The following WWOX variants were observed in gnomAD, a reference collection of about 807,000 sequenced individuals.
The protein encoded by WWOX is WW domain containing oxidoreductase.
WWOX carries 69 observed loss-of-function variants against 46.2 expected under a neutral mutation model. That is an observed-to-expected ratio of 1.49 (90% CI 1.23 to 1.82). WWOX has a LOEUF of 1.82. WWOX is among the 40% of genes most tolerant of loss of function. The pLI is 0.00. For missense variants in WWOX, 919 were observed against 542.6 expected (o/e 1.69, Z -6.89); for synonymous variants, 359 against 202.6 (o/e 1.77, Z -6.56).
chr16:78,813,632 T>C (rs1362439950), intron 8 of WWOX, among the ~76,000 whole-genome samples: 1 of 152,130 alleles, frequency 6.6e-6, no homozygotes, highest in African/African-American at 2.4e-5. Flanking sequence ...GTATCCATTG[T>C]GTCTCCAAGG....
At chr16:78,919,253 C>A (rs1442578092) in intron 8 of WWOX, among the ~76,000 whole-genome samples, 1 of 151,974 alleles carries the variant, frequency 6.6e-6, no homozygotes, top group East Asian at 1.9e-4. Flanking sequence ...CAGAGACACC[C>A]CCCCACTCTT....
intron 8 of WWOX, among the ~76,000 whole-genome samples, chr16:78,697,654 C>G (rs968515795): frequency 6.6e-6 from 1 of 152,102 alleles, no homozygotes; most frequent in Non-Finnish European, 1.5e-5. Context: ...AAAAAATGCT[C>G]AACATCACTA....
Position 79,211,948 on chromosome 16 carries a change from G to A in WWOX, c.*152G>A, listed in dbSNP as rs1197484220. Reference sequence around the variant, plus strand: ...GTCACAACAGAGTGAAAAATCTTAAGTACCAATGGGAAGCAGGGAATTCCT... The same window carrying A: ...GTCACAACAGAGTGAAAAATCTTAAATACCAATGGGAAGCAGGGAATTCCT... On this transcript the variant is annotated 3_prime_UTR_variant, in exon 9 of 9. Coordinates refer to ENST00000566780, the MANE Select transcript of WWOX (RefSeq NM_016373.4). The A allele has an allele frequency of 2.6e-6, 4 of 1,536,824 alleles. No homozygotes were observed. Among genetic ancestry groups the A allele is most frequent in the East Asian group, 4.9e-5 (2 of 40,930 alleles).
At position 78,591,509 on chromosome 16, in the gene WWOX, C is replaced by T. The variant is rs181012374; in HGVS notation, c.1056+158757C>T. Among the ~76,000 whole-genome samples the T allele has an allele frequency of 5.3e-5, 8 of 152,276 alleles. No homozygotes were observed. In the East Asian group the frequency reaches 1.5e-3, roughly 29 times the overall value. On this transcript the variant is annotated intron_variant, in intron 8 of 8. Coordinates refer to ENST00000566780, the MANE Select transcript of WWOX (RefSeq NM_016373.4). ...ATTACATGGAGCCTCACTTTATAGT[C>T]CTCATTAAGAGACTGTGGGGTGGTA...
At chr16:78,636,767 C>T (rs1329614909) in intron 8 of WWOX, among the ~76,000 whole-genome samples, 3 of 152,194 alleles carry the variant, frequency 2.0e-5, no homozygotes, top group Non-Finnish European at 4.4e-5. Context: ...GCTCTGGAGT[C>T]ATGTGTTTGC....
intron 8 of WWOX, among the ~76,000 whole-genome samples, chr16:78,542,988 A>G (rs1057328017): frequency 4.6e-5 from 7 of 152,174 alleles, no homozygotes; most frequent in African/African-American, 1.7e-4. Context: ...TTTTCCTTTC[A>G]TGGTCTACCT....
chr16:78,717,934 T>C (rs896491049), intron 8 of WWOX, among the ~76,000 whole-genome samples: 8 of 152,168 alleles, frequency 5.3e-5, no homozygotes, highest in South Asian at 2.1e-4. Flanking sequence ...AAGTGTCTTA[T>C]TGTAAATGGA....
At chr16:78,786,787 C>G (rs138466403) in intron 8 of WWOX, among the ~76,000 whole-genome samples, 2 of 152,184 alleles carry the variant, frequency 1.3e-5, no homozygotes, top group Non-Finnish European at 2.9e-5. Context: ...CTTCTACATG[C>G]CAAGAATGTT....
chr16:79,173,040 C>T (rs560831609), intron 8 of WWOX, among the ~76,000 whole-genome samples: 4 of 152,238 alleles, frequency 2.6e-5, no homozygotes, highest in African/African-American at 9.6e-5. Context: ...AAATAAATGC[C>T]TCTGTGAATC....
intron 8 of WWOX, chr16:78,496,140 C>G (rs2084913446): frequency 6.6e-6 from 1 of 152,166 alleles, no homozygotes; most frequent in Non-Finnish European, 1.5e-5. Flanking sequence ...CATACACCAC[C>G]TTGTTTTGTT....
Position 79,011,120 on chromosome 16 carries a change from TACTC to T in WWOX, c.1057-200481_1057-200478del, listed in dbSNP as rs564282599. Reference sequence around the variant, plus strand: ...CATATGATATGTATGGTTACATATCTACTCACTCACACATCCACACACACACACA... The same window carrying T: ...CATATGATATGTATGGTTACATATCTACTCACACATCCACACACACACACA... On this transcript the variant is annotated intron_variant, in intron 8 of 8. Coordinates refer to ENST00000566780, the MANE Select transcript of WWOX (RefSeq NM_016373.4). Among the ~76,000 whole-genome samples the T allele has an allele frequency of 1.4e-4, 21 of 145,662 alleles. 1 individual carries two copies. Among genetic ancestry groups the T allele is most frequent in the Non-Finnish European group, 7.4e-5 (5 of 67,244 alleles).
intron 8 of WWOX, among the ~76,000 whole-genome samples, chr16:79,209,610 G>A (rs1172984019): frequency 6.6e-6 from 1 of 152,176 alleles, no homozygotes; most frequent in Non-Finnish European, 1.5e-5. Flanking sequence ...TTTGGCAGCT[G>A]CAAGGTAAAA....
In WWOX at chr16:78,308,044, C is replaced by T. The variant is rs559527339; in HGVS notation, c.517-78816C>T. On this transcript the variant is annotated intron_variant, in intron 5 of 8. Coordinates refer to ENST00000566780, the MANE Select transcript of WWOX (RefSeq NM_016373.4). ...TCTGCAGTAGTTGAGTTAACCTTCC[C>T]ATGGTGCCTGCACTAGCAGGGACTG... 9.9e-5 allele frequency among the ~76,000 whole-genome samples: 15 copies of T among 151,488 alleles called. 1 individual carries two copies. The highest frequency in any genetic ancestry group is 8.7e-4 in the Admixed American group (13 of 14,926).
chr16:78,661,308 C>T (rs996436598), intron 8 of WWOX, among the ~76,000 whole-genome samples: 4 of 152,138 alleles, frequency 2.6e-5, no homozygotes, highest in African/African-American at 9.7e-5. Flanking sequence ...GCAATCAGCA[C>T]GCCATTTTTT....
At chr16:78,967,383 A>C (rs994265318) in intron 8 of WWOX, among the ~76,000 whole-genome samples, 3 of 136,294 alleles carry the variant, frequency 2.2e-5, no homozygotes, top group African/African-American at 8.3e-5. Context: ...TCCCGGGCTC[A>C]AGCTTTCCAC....
intron 5 of WWOX, among the ~76,000 whole-genome samples, chr16:78,232,889 T>C (rs2037313689): frequency 6.6e-6 from 1 of 152,056 alleles, no homozygotes; most frequent in African/African-American, 2.4e-5. Context: ...GTCACCGGGC[T>C]GGAGTGCAGT....
chr16:79,022,569 A>G (rs2047555731), intron 8 of WWOX, among the ~76,000 whole-genome samples: 1 of 152,194 alleles, frequency 6.6e-6, no homozygotes, highest in Admixed American at 6.5e-5. Flanking sequence ...TTTGCAGGAC[A>G]AAGAGGAATG....
intron 8 of WWOX, chr16:78,535,746 G>T (rs2043743897): frequency 6.6e-6 from 1 of 152,204 alleles, no homozygotes; most frequent in Non-Finnish European, 1.5e-5. Context: ...CGAATTCCTA[G>T]AACACTGTTC....
At chr16:78,152,077 C>T (rs1416660795) in intron 4 of WWOX, among the ~76,000 whole-genome samples, 1 of 152,036 alleles carries the variant, frequency 6.6e-6, no homozygotes, top group African/African-American at 2.4e-5. Flanking sequence ...GTAGTCCCAG[C>T]TACTCGGGAG....
Sources: gnomAD v4.1 joint callset for allele counts (sites outside exome capture counted in the v4.1 genomes callset) on GRCh38, gnomAD v4.1.1 for gene constraint, MANE v1.5 for transcripts, NCBI Gene and HGNC (gene_info 2026-07-23, HGNC 2026-07-21) for gene names.